The following RGS6 variants were observed in gnomAD, a reference collection of about 807,000 sequenced individuals.
RGS6 encodes the protein regulator of G-protein signaling 6.
Under a neutral mutation model 78.5 loss-of-function variants are expected in RGS6, and 30 were observed. The ratio of observed to expected loss-of-function variants is 0.38; its 90% CI spans 0.29 to 0.52. The LOEUF (loss-of-function observed/expected upper bound fraction) is 0.52, where lower values mean the gene tolerates loss of function less well. Among genes scored for constraint, RGS6 ranks in the 20% least tolerant of loss-of-function variants. The probability of loss-of-function intolerance (pLI) is 0.85; values close to 1 mark genes in which losing one functional copy is unlikely to be tolerated. For synonymous variants in RGS6, 206 were observed against 206.0 expected, an observed-to-expected ratio of 1.00 and a Z score of 0.00; for missense variants, 495 against 609.7, an observed-to-expected ratio of 0.81 and a Z score of 1.98.
At chr14:72,364,381 C>G (rs2082079462) in intron 3 of RGS6, among the ~76,000 whole-genome samples, 1 of 152,146 alleles carries the variant, frequency 6.6e-6, no homozygotes, top group African/African-American at 2.4e-5. Context: ...ACATGGCCAC[C>G]CTGTTACTGT....
At chr14:72,546,916 C>T (rs529990096) in intron 17 of RGS6, among the ~76,000 whole-genome samples, 51 of 152,302 alleles carry the variant, frequency 3.3e-4, no homozygotes, top group African/African-American at 1.2e-3. Context: ...GCCTTCCTCC[C>T]ACCCACTCTC....
the RGS6 span, among the ~76,000 whole-genome samples, chr14:72,597,546 T>G: frequency 9.9e-5 from 15 of 152,200 alleles, no homozygotes; most frequent in African/African-American, 3.1e-4. Flanking sequence ...CAAGCTGAAT[T>G]AATAGATGTT....
At chr14:72,158,042 A>AG (rs1321884778) in intron 2 of RGS6, among the ~76,000 whole-genome samples, 1 of 152,074 alleles carries the variant, frequency 6.6e-6, no homozygotes, top group Non-Finnish European at 1.5e-5. Flanking sequence ...TGGTGCCCCA[A>AG]GGATACCATC....
chr14:71,949,759 G>A (rs1595085370), intron 1 of RGS6, among the ~76,000 whole-genome samples: 1 of 137,430 alleles, frequency 7.3e-6, no homozygotes. Flanking sequence ...AAGCTACTCT[G>A]TTTTAATTTA....
At chr14:72,381,503 T>G (rs1424088206) in intron 3 of RGS6, among the ~76,000 whole-genome samples, 2 of 152,108 alleles carry the variant, frequency 1.3e-5, no homozygotes, top group African/African-American at 4.8e-5. Flanking sequence ...GACAGCTAAC[T>G]TCTATGTAAA....
At chr14:72,213,946 C>A (rs2044837258) in intron 2 of RGS6, among the ~76,000 whole-genome samples, 1 of 152,126 alleles carries the variant, frequency 6.6e-6, no homozygotes, top group Non-Finnish European at 1.5e-5. Context: ...GATGACCTAG[C>A]TTCATCTTTA....
chr14:72,198,805 G>A (rs1218299315), intron 2 of RGS6, among the ~76,000 whole-genome samples: 2 of 152,232 alleles, frequency 1.3e-5, no homozygotes, highest in African/African-American at 4.8e-5. Flanking sequence ...GACCAGTGTG[G>A]TAGATAAGAA....
At chr14:71,903,316 C>T in the RGS6 span, among the ~76,000 whole-genome samples, 1 of 152,220 alleles carries the variant, frequency 6.6e-6, no homozygotes, top group African/African-American at 2.4e-5. Context: ...TCTCATCTCC[C>T]TCTTCCTGGC....
chr14:71,979,724 A>G (rs939670730), intron 2 of RGS6, among the ~76,000 whole-genome samples: 6 of 152,132 alleles, frequency 3.9e-5, no homozygotes, highest in East Asian at 1.9e-4. Flanking sequence ...GTGCTGAAAA[A>G]AATGTATATT....
At chr14:72,140,458 G>A (rs1252402631) in intron 2 of RGS6, among the ~76,000 whole-genome samples, 1 of 152,204 alleles carries the variant, frequency 6.6e-6, no homozygotes, top group South Asian at 2.1e-4. Context: ...GTTAGAAGCT[G>A]GTACTAGAAT....
At chr14:72,365,508 A>G (rs751480622) in intron 3 of RGS6, among the ~76,000 whole-genome samples, 43 of 152,304 alleles carry the variant, frequency 2.8e-4, no homozygotes, top group Middle Eastern at 3.4e-3. Context: ...GATGTCTACC[A>G]GTTGGAACAG....
chr14:72,085,535 G>T (rs2094993719), intron 2 of RGS6, among the ~76,000 whole-genome samples: 2 of 152,082 alleles, frequency 1.3e-5, no homozygotes, highest in African/African-American at 4.8e-5. Context: ...GTAGAAATTG[G>T]GGCTGTGCTT....
intron 2 of RGS6, among the ~76,000 whole-genome samples, chr14:72,195,817 G>C (rs926997675): frequency 2.0e-5 from 3 of 152,248 alleles, no homozygotes; most frequent in African/African-American, 7.2e-5. Flanking sequence ...TGAGCCCTTT[G>C]CGTTTGCCAG....
chr14:72,534,831 GA>G (rs1310296445), intron 15 of RGS6, among the ~76,000 whole-genome samples: 1 of 152,176 alleles, frequency 6.6e-6, no homozygotes, highest in African/African-American at 2.4e-5. Context: ...CTGCCTCTCA[GA>G]TGAGCACTCT....
In RGS6 at chr14:72,232,703, G is replaced by T. The variant is rs188153785; in HGVS notation, c.85-119392G>T. Among the ~76,000 whole-genome samples, 34 of 152,266 alleles carry T rather than the reference G, an allele frequency of 2.2e-4. 1 individual carries two copies. In the East Asian group the frequency reaches 6.4e-3, roughly 29 times the overall value. ...TCCTGTGAAAGGGGTAGGAATGCTGGGGACCTTATTGACCATGGGCTAGGG... is the reference window on the plus strand; with the variant it reads ...TCCTGTGAAAGGGGTAGGAATGCTGTGGACCTTATTGACCATGGGCTAGGG... On this transcript the variant is annotated intron_variant, in intron 2 of 17. Transcript: ENST00000553525.
chr14:72,272,358 C>A (rs2060070833), intron 2 of RGS6, among the ~76,000 whole-genome samples: 2 of 152,196 alleles, frequency 1.3e-5, no homozygotes, highest in African/African-American at 4.8e-5. Flanking sequence ...AATCAGGAGA[C>A]TTGGATTTTA....
chr14:72,336,121 T>C (rs1470067182), intron 2 of RGS6, among the ~76,000 whole-genome samples: 1 of 152,230 alleles, frequency 6.6e-6, no homozygotes, highest in Non-Finnish European at 1.5e-5. Context: ...AATTGCAAAG[T>C]ATCTTCTATT....
intron 2 of RGS6, among the ~76,000 whole-genome samples, chr14:72,262,953 G>C (rs1164207025): frequency 1.3e-5 from 2 of 152,062 alleles, no homozygotes; most frequent in East Asian, 3.9e-4. Context: ...GCAGCTCCAG[G>C]CTGATCTGGC....
intron 2 of RGS6, among the ~76,000 whole-genome samples, chr14:72,112,868 A>G (rs1354715128): frequency 6.6e-6 from 1 of 152,208 alleles, no homozygotes; most frequent in East Asian, 1.9e-4. Flanking sequence ...CCTGGAGGTC[A>G]TTTGTTGTTA....
Sources: gnomAD v4.1 joint callset for allele counts (sites outside exome capture counted in the v4.1 genomes callset) on GRCh38, gnomAD v4.1.1 for gene constraint, MANE v1.5 for transcripts, NCBI Gene and HGNC (gene_info 2026-07-23, HGNC 2026-07-21) for gene names.